ZNF229: variants seen among roughly 807,000 people sequenced by gnomAD.
ZNF229 encodes the protein zinc finger protein 229.
Under a neutral mutation model 11.8 loss-of-function variants are expected in ZNF229, and 10 were observed. The ratio of observed to expected loss-of-function variants is 0.85; its 90% CI spans 0.52 to 1.44. The LOEUF (loss-of-function observed/expected upper bound fraction) is 1.44, where lower values mean the gene tolerates loss of function less well. ZNF229 is among the 40% of genes most tolerant of loss of function. The pLI is 0.00. For synonymous variants in ZNF229, 368 were observed against 374.8 expected (o/e 0.98, Z 0.21); for missense variants, 1,045 against 1,015.1 (o/e 1.03, Z -0.40).
rs1294339549 is a variant in ZNF229 at position 44,429,343 on chromosome 19, GATGA to G, written c.1434_1437del (p.His479ArgfsTer340). 2 of 1,613,992 alleles carry G rather than the reference GATGA, an allele frequency of 1.2e-6. No homozygotes were observed. The highest frequency in any genetic ancestry group is 3.3e-5 in the Admixed American group (2 of 60,006). ...GGCCTCTCGCCGGTGTGTGTCTTCT[GATGA>G]CTGCTGAGGTGGGAGCTGCAGCTGA... On this transcript the variant is annotated frameshift_variant, in exon 6 of 6. Coordinates refer to ENST00000614049, the MANE Select transcript of ZNF229 (RefSeq NM_014518.4). LOFTEE classifies it low-confidence loss of function (END_TRUNC).
At chr19:44,431,449 C>T (rs1023408116) in intron 5 of ZNF229, among the ~76,000 whole-genome samples, 1 of 152,086 alleles carries the variant, frequency 6.6e-6, no homozygotes, top group Non-Finnish European at 1.5e-5. Flanking sequence ...AGAAATTCAT[C>T]TGAGGACTCT....
Position 44,428,954 on chromosome 19 carries a change from G to T in ZNF229, c.1827C>A (p.Phe609Leu). The T allele has an allele frequency of 1.2e-6, 2 of 1,611,626 alleles. No individual in the cohort carries two copies. Among genetic ancestry groups the T allele is most frequent in the Non-Finnish European group, 1.7e-6 (2 of 1,179,176 alleles). The change falls in exon 6 of 6, where the codon TTC becomes TTA. Residue 609 changes from phenylalanine (F) to leucine (L), a missense_variant. Transcript: ENST00000614049. ...GGATAAGGAGGTCGGAGCTGTAGATGAAACCCTTCCCACACACGTCACACA... is the reference window on the plus strand; with the variant it reads ...GGATAAGGAGGTCGGAGCTGTAGATTAAACCCTTCCCACACACGTCACACA... ...PYVCDVCGKGFIYSSDLLIHQ... is the reference protein window; with the variant it reads ...PYVCDVCGKGLIYSSDLLIHQ...
In ZNF229 at chr19:44,429,922, G is replaced by A. The variant is rs747084038; in HGVS notation, c.859C>T (p.Pro287Ser). The change falls in exon 6 of 6, where the codon CCT becomes TCT. Residue 287 changes from proline (P) to serine (S), a missense_variant. By Grantham distance (74) the Pro-to-Ser change is moderately conservative (BLOSUM62 -1). Coordinates refer to ENST00000614049, the MANE Select transcript of ZNF229 (RefSeq NM_014518.4). The part of the protein sequence containing the change: ...DADLPPHPRV[P>S]LKEKLCQYDE... ...TATTGACAGAGTTTCTCTTTCAAAG[G>A]TACTCTTGGATGCGGGGGAAGGTCT... is the stretch of plus-strand genomic sequence containing the variant. 7 of 1,613,888 alleles carry A rather than the reference G, an allele frequency of 4.3e-6. No homozygotes were observed. Among genetic ancestry groups the A allele is most frequent in the Non-Finnish European group, 5.9e-6 (7 of 1,179,996 alleles).
intron 4 of ZNF229, among the ~76,000 whole-genome samples, chr19:44,442,334 C>G (rs138015866): frequency 3.9e-5 from 6 of 152,108 alleles, no homozygotes; most frequent in African/African-American, 1.4e-4. Context: ...GGTAGATTAT[C>G]GAATCCAATT....
chr19:44,430,583 A>G (rs1264140413), intron 5 of ZNF229, 41 bp from the exon 6 acceptor site: 2 of 1,553,646 alleles, frequency 1.3e-6, no homozygotes. Flanking sequence ...AACTAGTAAA[A>G]GACTGGCTCA....
chr19:44,436,559 T>C (rs1251123213), intron 4 of ZNF229, among the ~76,000 whole-genome samples: 1 of 152,092 alleles, frequency 6.6e-6, no homozygotes, highest in African/African-American at 2.4e-5. Flanking sequence ...GATGGGAGGA[T>C]CACTTGATTC....
In ZNF229 at chr19:44,430,234, G is replaced by A. The variant is rs1233996530; in HGVS notation, c.547C>T (p.Pro183Ser). The A allele has an allele frequency of 6.2e-7, 1 of 1,613,902 alleles. No individual in the cohort carries two copies. Among genetic ancestry groups the A allele is most frequent in the Admixed American group, 1.7e-5 (1 of 59,988 alleles). ...FPAWRAIRPI[P>S]IQGSWAKAFV... The stretch of plus-strand genomic sequence containing the variant: ...GCTTTTGCCCAAGATCCTTGAATGG[G>A]GATTGGTCTTATAGCTCTCCAGGCT... Residue 183 changes from proline to serine, a missense_variant, in exon 6 of 6, where the codon CCC becomes TCC. Coordinates refer to ENST00000614049, the MANE Select transcript of ZNF229 (RefSeq NM_014518.4).
chr19:44,442,728 T>C (rs1031450741), intron 3 of ZNF229, 86 bp downstream of exon 3: 1 of 1,606,666 alleles, frequency 6.2e-7, no homozygotes, highest in Admixed American at 1.7e-5. Flanking sequence ...TTCTTCTCAC[T>C]TGAGGAAATT....
In ZNF229 at chr19:44,428,720, A is replaced by G. The variant is rs559912445; in HGVS notation, c.2061T>C (p.Asp687=). ...VHTGKKPYTC[D]QCGKGFSYGS... ...CATAACTGAATCCCTTGCCACACTG[A>G]TCACACGTATAGGGCTTTTTTCCCG... The change falls in exon 6 of 6, where the codon GAT becomes GAC. Residue 687 remains aspartate (D), a synonymous_variant. Coordinates refer to ENST00000614049, the MANE Select transcript of ZNF229 (RefSeq NM_014518.4). The G allele has an allele frequency of 2.7e-5, 44 of 1,613,328 alleles. 1 individual carries two copies. The South Asian group carries it at 4.3e-4, about 16-fold the overall frequency.
Position 44,429,783 on chromosome 19 carries a change from TTCTG to T in ZNF229, c.994_997del (p.Gln332ThrfsTer487). 1 of 1,614,110 alleles carries T rather than the reference TTCTG, an allele frequency of 6.2e-7. No homozygotes were observed. Among genetic ancestry groups the T allele is most frequent in the African/African-American group, 1.3e-5 (1 of 74,976 alleles). On this transcript the variant is annotated frameshift_variant, in exon 6 of 6. Coordinates refer to ENST00000614049, the MANE Select transcript of ZNF229 (RefSeq NM_014518.4). LOFTEE classifies it low-confidence loss of function (END_TRUNC). The stretch of plus-strand genomic sequence containing the variant: ...TCTGGGGTGGTTACGTATGTGCGTG[TTCTG>T]TCTGACGCCCCGACCACGCTCAAGA...
chr19:44,445,137 G>A (rs771580040), intron 2 of ZNF229, among the ~76,000 whole-genome samples: 15 of 152,058 alleles, frequency 9.9e-5, no homozygotes, highest in East Asian at 1.9e-4. Flanking sequence ...TTTCTTCCTC[G>A]TACTCTACAT....
chr19:44,442,606 G>A lies in ZNF229; in HGVS notation c.50C>T (p.Ala17Val). 1 of 1,614,110 alleles carries A rather than the reference G, an allele frequency of 6.2e-7. No individual in the cohort carries two copies. The highest frequency in any genetic ancestry group is 1.7e-5 in the Admixed American group (1 of 60,014). Residue 17 changes from alanine (A) to valine (V), a missense_variant, in exon 4 of 6, where the codon GCC becomes GTC. Ala to Val is a moderately conservative substitution (Grantham distance 64). Coordinates refer to ENST00000614049, the MANE Select transcript of ZNF229 (RefSeq NM_014518.4). ...CTCCCTATCTTGGGAAATGGCTGAG[G>A]CTTGAGAATGAAGAGCTGTAGGAGG... ...RHEKRALHSQ[A>V]SAISQDREEK...
rs1483516040 is a variant in ZNF229, at chr19:44,426,787, G to T, written c.*1516C>A. On this transcript the variant is annotated 3_prime_UTR_variant, in exon 6 of 6. Coordinates refer to ENST00000614049, the MANE Select transcript of ZNF229 (RefSeq NM_014518.4). ...CTACATATTTACTGCCACTTCAAAG[G>T]TTATAGAAATTGAATTGATACGTTA... is the stretch of plus-strand genomic sequence containing the variant. 1 of 152,112 alleles carries T rather than the reference G, an allele frequency of 6.6e-6. No homozygotes were observed. Among genetic ancestry groups the T allele is most frequent in the Non-Finnish European group, 1.5e-5 (1 of 68,034 alleles). 9.4% of individuals were successfully genotyped at this position (152,112 alleles called of 1,614,324 possible).
At chr19:44,439,743 C>A (rs890312367) in intron 4 of ZNF229, among the ~76,000 whole-genome samples, 1 of 151,992 alleles carries the variant, frequency 6.6e-6, no homozygotes, top group Non-Finnish European at 1.5e-5. Context: ...CATGCCCAGC[C>A]CCATTTCCTT....
intron 5 of ZNF229, among the ~76,000 whole-genome samples, chr19:44,431,522 G>C (rs1049858654): frequency 2.0e-5 from 3 of 152,122 alleles, no homozygotes; most frequent in Admixed American, 1.3e-4. Context: ...TTCTATTAGA[G>C]GGACGGAAGT....
At chr19:44,437,473 G>A (rs56139767) in intron 4 of ZNF229, among the ~76,000 whole-genome samples, 4,530 of 152,096 alleles carry the variant, frequency 0.03, 79 homozygotes, top group Middle Eastern at 0.065. Flanking sequence ...AGCAACAAAC[G>A]CTGGCAAGGT....
chr19:44,432,457 A>C, intron 4 of ZNF229, 91 bp from the exon 5 acceptor site: 1 of 1,548,756 alleles, frequency 6.5e-7, no homozygotes, highest in Non-Finnish European at 8.6e-7. Flanking sequence ...AAAATTTAAA[A>C]ATCTGGATTA....
intron 4 of ZNF229, among the ~76,000 whole-genome samples, chr19:44,432,634 G>A (rs935950108): frequency 6.6e-6 from 1 of 150,954 alleles, no homozygotes; most frequent in Non-Finnish European, 1.5e-5. Flanking sequence ...GGTGGGAATT[G>A]AACAATGAGA....
chr19:44,428,855 C>T lies in ZNF229; in HGVS notation c.1926G>A (p.Gly642=). 1 of 1,611,240 alleles carries T rather than the reference C, an allele frequency of 6.2e-7. No homozygotes were observed. Among genetic ancestry groups the T allele is most frequent in the Non-Finnish European group, 8.5e-7 (1 of 1,179,374 alleles). The change falls in exon 6 of 6, where the codon GGG becomes GGA. Residue 642 remains glycine (G), a synonymous_variant. Transcript: ENST00000614049. ...TGTGGACTCTCTGGTGAATGAGAAGCCCTGAGCTGTAACTGAAGCCTTTGC... is the reference window on the plus strand; with the variant it reads ...TGTGGACTCTCTGGTGAATGAGAAGTCCTGAGCTGTAACTGAAGCCTTTGC... ...ECGKGFSYSS[G]LLIHQRVHTG...
Sources: allele counts gnomAD v4.1 joint callset (sites outside exome capture counted in the v4.1 genomes callset), GRCh38; gene constraint gnomAD v4.1.1; transcripts MANE v1.5; gene names NCBI Gene and HGNC (gene_info 2026-07-23, HGNC 2026-07-21).